The following TSFM variants were observed in gnomAD, a reference collection of about 807,000 sequenced individuals.
TSFM encodes Ts translation elongation factor, mitochondrial, also known as elongation factor Ts, mitochondrial.
Under a neutral mutation model 33.4 loss-of-function variants are expected in TSFM, and 29 were observed. That is an observed-to-expected ratio of 0.87 (90% CI 0.65 to 1.18). The LOEUF (loss-of-function observed/expected upper bound fraction) is 1.18. Among genes scored for constraint, TSFM ranks in the 50% most tolerant of loss-of-function variants. The probability of loss-of-function intolerance (pLI) is 0.00; values close to 1 mark genes in which losing one functional copy is unlikely to be tolerated. For missense variants in TSFM, 394 were observed against 395.6 expected (o/e 1.00, Z 0.04); for synonymous variants, 178 against 163.5 (o/e 1.09, Z -0.68).
rs138556595 is a variant in TSFM at position 57,784,355 on chromosome 12, A to C, written c.231+1072A>C. Among the ~76,000 whole-genome samples, 334 of 152,372 alleles carry C rather than the reference A, an allele frequency of 2.2e-3. 7 individuals are homozygous for C. Among genetic ancestry groups the C allele is most frequent in the African/African-American group, 7.8e-3 (324 of 41,600 alleles). ...TTAGGACACTATGGTGCACTATAGTAGACGTTAAAGCACAGTACACATAAG... is the reference window on the plus strand; with the variant it reads ...TTAGGACACTATGGTGCACTATAGTCGACGTTAAAGCACAGTACACATAAG... On this transcript the variant is annotated intron_variant, in intron 2 of 5. Coordinates refer to ENST00000652027, the MANE Select transcript of TSFM (RefSeq NM_005726.6).
intron 2 of TSFM, 48 bp from the exon 3 acceptor site, chr12:57,786,115 C>T: frequency 6.5e-7 from 1 of 1,547,182 alleles, no homozygotes; most frequent in South Asian, 1.2e-5. Flanking sequence ...ACATTTAGTG[C>T]TAAATTCTGT....
intron 5 of TSFM, among the ~76,000 whole-genome samples, chr12:57,793,973 T>C (rs1955698107): frequency 6.6e-6 from 1 of 152,256 alleles, no homozygotes; most frequent in South Asian, 2.1e-4. Flanking sequence ...GTGGTGGGAC[T>C]AGCATCTTGC....
At chr12:57,789,462 C>T (rs1955633828) in intron 4 of TSFM, among the ~76,000 whole-genome samples, 1 of 152,112 alleles carries the variant, frequency 6.6e-6, no homozygotes, top group South Asian at 2.1e-4. Context: ...CTCCTGGGTT[C>T]GAGCAATTCT....
downstream of TSFM, among the ~76,000 whole-genome samples, chr12:57,799,589 A>G (rs1313818064): frequency 3.3e-5 from 5 of 152,192 alleles, no homozygotes; most frequent in African/African-American, 1.2e-4. Context: ...AGAGGAGTGA[A>G]CAGAAGCTAG....
chr12:57,796,735 G>A lies in TSFM; in HGVS notation c.*152G>A, dbSNP rs991761708. 72 of 1,234,374 alleles carry A rather than the reference G, an allele frequency of 5.8e-5. No individual in the cohort carries two copies. Among genetic ancestry groups the A allele is most frequent in the African/African-American group, 3.9e-4 (25 of 64,504 alleles). The allele number at this position is 1,234,374 out of a possible 1,614,324, so 76.5% of individuals were successfully genotyped here. A position where few individuals can be genotyped will look rare whatever the true frequency, so the allele number is the denominator to read the frequency against. ...TAAAAATAATTTTTTCCTTGTTTGCGTAATACTGGATTTAGCTTTTCTGTG... is the reference window on the plus strand; with the variant it reads ...TAAAAATAATTTTTTCCTTGTTTGCATAATACTGGATTTAGCTTTTCTGTG... On this transcript the variant is annotated 3_prime_UTR_variant, in exon 6 of 6. Coordinates refer to ENST00000652027, the MANE Select transcript of TSFM (RefSeq NM_005726.6).
At chr12:57,784,433 TTAATG>T (rs1178302975) in intron 2 of TSFM, among the ~76,000 whole-genome samples, 1 of 152,248 alleles carries the variant, frequency 6.6e-6, no homozygotes, top group African/African-American at 2.4e-5. Context: ...TAACCTTAGT[TTAATG>T]TAACATTTTT....
At chr12:57,787,884 C>A (rs923056201) in intron 4 of TSFM, among the ~76,000 whole-genome samples, 1 of 151,794 alleles carries the variant, frequency 6.6e-6, no homozygotes, top group Non-Finnish European at 1.5e-5. Flanking sequence ...CCGTTGTACT[C>A]CCCCCGGGCA....
chr12:57,802,778 A>G (rs1468749724), downstream of TSFM: 9 of 584,874 alleles, frequency 1.5e-5, 1 homozygote, highest in East Asian at 2.8e-5. Context: ...CCCATATCCA[A>G]TGAGTCACCA....
downstream of TSFM, chr12:57,802,440 T>G: frequency 7.0e-7 from 1 of 1,426,796 alleles, no homozygotes; most frequent in South Asian, 1.2e-5. Context: ...CCCCTTTCTT[T>G]CGTGAGCAAT....
In TSFM at chr12:57,793,014, G is replaced by A. The variant is rs758521512; in HGVS notation, c.512G>A (p.Gly171Glu). 4.3e-6 allele frequency: 7 copies of A among 1,613,828 alleles called. No homozygotes were observed. The highest frequency in any genetic ancestry group is 5.9e-6 in the Non-Finnish European group (7 of 1,179,774). Reference protein sequence around the residue: ...KGFLNSSELSGLPAGPDREGS... With the variant: ...KGFLNSSELSELPAGPDREGS... Reference sequence around the variant, plus strand: ...TTCTTGAATTCCTCTGAGCTTTCTGGACTTCCAGCTGGGCCTGACAGAGAA... The same window carrying A: ...TTCTTGAATTCCTCTGAGCTTTCTGAACTTCCAGCTGGGCCTGACAGAGAA... The change falls in exon 5 of 6, where the codon GGA (glycine) becomes GAA (glutamate). Residue 171 changes from glycine to glutamate, a missense_variant. Around this residue, in one of 3 missense-constraint regions of TSFM, gnomAD observed 186 missense variants for 198.8 expected, o/e 0.94. Transcript: ENST00000652027.
At position 57,796,732 on chromosome 12, in the gene TSFM, T is replaced by C. The variant is rs942906803; in HGVS notation, c.*149T>C. On this transcript the variant is annotated 3_prime_UTR_variant, in exon 6 of 6. Transcript: ENST00000652027. ...TAATAAAAATAATTTTTTCCTTGTT[T>C]GCGTAATACTGGATTTAGCTTTTCT... 3 of 1,236,062 alleles carry C rather than the reference T, an allele frequency of 2.4e-6. No individual in the cohort carries two copies. The highest frequency in any genetic ancestry group is 3.0e-6 in the Non-Finnish European group (3 of 989,996). The allele number at this position is 1,236,062 out of a possible 1,614,324, so 76.6% of individuals were successfully genotyped here.
Position 57,793,059 on chromosome 12 carries a change from T to A in TSFM, c.557T>A (p.Leu186Ter), listed in dbSNP as rs373811833. ...AGAGAAGGCTCACTCAAGGATCAGT[T>A]GGCTTTAGCAATTGGTGAGTATTTG... is the stretch of plus-strand genomic sequence containing the variant. ...PDREGSLKDQ[L>*]ALAIGKLGEN... The change falls in exon 5 of 6, where the codon TTG becomes TAG. Residue 186 changes from leucine to a stop codon, truncating the protein, a stop_gained. Coordinates refer to ENST00000652027, the MANE Select transcript of TSFM (RefSeq NM_005726.6). LOFTEE classifies it high-confidence loss of function. The A allele has an allele frequency of 2.1e-5, 34 of 1,613,490 alleles. No homozygotes were observed. Among genetic ancestry groups the A allele is most frequent in the Non-Finnish European group, 2.8e-5 (33 of 1,179,598 alleles).
At chr12:57,785,678 A>G (rs1375476938) in intron 2 of TSFM, among the ~76,000 whole-genome samples, 1 of 152,210 alleles carries the variant, frequency 6.6e-6, no homozygotes, top group East Asian at 1.9e-4. Flanking sequence ...GTTGTTCATT[A>G]TTGTTTCAAG....
chr12:57,783,298 G>C lies in TSFM; in HGVS notation c.231+15G>C. The C allele has an allele frequency of 6.2e-7, 1 of 1,613,590 alleles. No homozygotes were observed. The highest frequency in any genetic ancestry group is 8.5e-7 in the Non-Finnish European group (1 of 1,179,886). On this transcript the variant is annotated intron_variant, in intron 2 of 5. Coordinates refer to ENST00000652027, the MANE Select transcript of TSFM (RefSeq NM_005726.6). ...ACCTCAAACAGGTGTGTGTGTGGAGGGGTGCAGGGCGGAGTACTAGAGCTC... is the reference window on the plus strand; with the variant it reads ...ACCTCAAACAGGTGTGTGTGTGGAGCGGTGCAGGGCGGAGTACTAGAGCTC...
Position 57,796,266 on chromosome 12 carries a change from A to G in TSFM, c.661A>G (p.Met221Val), listed in dbSNP as rs756496739. 3 of 1,613,284 alleles carry G rather than the reference A, an allele frequency of 1.9e-6. No individual in the cohort carries two copies. Among genetic ancestry groups the G allele is most frequent in the South Asian group, 1.1e-5 (1 of 90,952 alleles). ...FYVGSYVHGAMQSPSLHKLVL... is the reference protein window; with the variant it reads ...FYVGSYVHGAVQSPSLHKLVL... ...CGTTGGCTCTTATGTCCACGGAGCA[A>G]TGCAGAGTCCCTCACTTCACAAGCT... The change falls in exon 6 of 6, where the codon ATG (methionine) becomes GTG (valine). Residue 221 changes from methionine to valine, a missense_variant. This residue lies in a region of TSFM where 186 missense variants were observed against 198.8 expected (regional missense o/e 0.94). Coordinates refer to ENST00000652027, the MANE Select transcript of TSFM (RefSeq NM_005726.6).
intron 5 of TSFM, among the ~76,000 whole-genome samples, chr12:57,795,911 C>T (rs569305612): frequency 5.9e-4 from 90 of 152,264 alleles, no homozygotes; most frequent in African/African-American, 2.1e-3. Context: ...CCACTACACC[C>T]GGCCTGTTTT....
At chr12:57,787,234 G>A in intron 4 of TSFM, 72 bp downstream of exon 4, 1 of 1,424,150 alleles carries the variant, frequency 7.0e-7, no homozygotes, top group Non-Finnish European at 9.6e-7. Context: ...TCCTATTGTA[G>A]ACATTCTCAT....
chr12:57,783,908 G>T (rs775356254), intron 2 of TSFM: 3 of 700,960 alleles, frequency 4.3e-6, no homozygotes, highest in East Asian at 2.7e-5. Flanking sequence ...GAGCCACCGC[G>T]CCCGGCTGAC....
intron 4 of TSFM, among the ~76,000 whole-genome samples, chr12:57,790,159 G>A (rs747093976): frequency 1.3e-5 from 2 of 150,404 alleles, no homozygotes; most frequent in Non-Finnish European, 3.0e-5. Flanking sequence ...TGCCTCCTGG[G>A]TCCCGGTTCA....
Sources: gnomAD v4.1 joint callset for allele counts (sites outside exome capture counted in the v4.1 genomes callset) on GRCh38, gnomAD v4.1.1 for gene constraint, gnomAD v4.1.1 regional missense constraint, MANE v1.5 for transcripts, NCBI Gene and HGNC (gene_info 2026-07-23, HGNC 2026-07-21) for gene names.